Variants in FAM171A1 observed in about 807,000 individuals in gnomAD.
The protein encoded by FAM171A1 is protein FAM171A1.
Under a neutral mutation model 74.9 loss-of-function variants are expected in FAM171A1, and 23 were observed. That is an observed-to-expected ratio of 0.31 (90% CI 0.22 to 0.44). The LOEUF (loss-of-function observed/expected upper bound fraction) is 0.44. Ranked by LOEUF, FAM171A1 falls within the 20% of genes least tolerant of loss-of-function variation. FAM171A1 has a pLI of 1.00. For missense variants in FAM171A1, 1,162 were observed against 1,159.2 expected, an observed-to-expected ratio of 1.00 and a Z score of -0.03; for synonymous variants, 527 against 505.7, an observed-to-expected ratio of 1.04 and a Z score of -0.57.
intron 1 of FAM171A1, among the ~76,000 whole-genome samples, chr10:15,288,876 G>A (rs1460404597): frequency 7.4e-6 from 1 of 135,068 alleles, no homozygotes; most frequent in Non-Finnish European, 1.5e-5. Flanking sequence ...AGGCTGGAGT[G>A]CAATGGCACA....
At chr10:15,359,565 C>T (rs186570583) in intron 1 of FAM171A1, among the ~76,000 whole-genome samples, 237 of 152,252 alleles carry the variant, frequency 1.6e-3, no homozygotes, top group African/African-American at 4.9e-3. Context: ...GGAATGAGTC[C>T]TCCAAAGACA....
chr10:15,340,644 C>T (rs1835754692), intron 1 of FAM171A1, among the ~76,000 whole-genome samples: 1 of 152,152 alleles, frequency 6.6e-6, no homozygotes, highest in Admixed American at 6.5e-5. Context: ...CAGCCCACTC[C>T]ACAACCTCCC....
intron 1 of FAM171A1, among the ~76,000 whole-genome samples, chr10:15,288,373 G>A (rs1214663051): frequency 1.3e-5 from 2 of 151,862 alleles, no homozygotes; most frequent in East Asian, 3.9e-4. Context: ...AAGTTTTTTA[G>A]TGGTGATTTG....
chr10:15,275,237 A>T (rs1834878405), intron 3 of FAM171A1, among the ~76,000 whole-genome samples: 1 of 152,150 alleles, frequency 6.6e-6, no homozygotes, highest in South Asian at 2.1e-4. Context: ...TGCACCCTAG[A>T]ACTTAAAGTA....
intron 5 of FAM171A1, among the ~76,000 whole-genome samples, chr10:15,243,480 T>C (rs1009793609): frequency 1.3e-4 from 20 of 152,084 alleles, no homozygotes; most frequent in Admixed American, 5.9e-4. Flanking sequence ...GTATATAAAG[T>C]CCACCGAGGA....
chr10:15,253,513 CAG>C (rs1157990283), intron 4 of FAM171A1, among the ~76,000 whole-genome samples: 1 of 152,078 alleles, frequency 6.6e-6, no homozygotes, highest in Admixed American at 6.6e-5. Flanking sequence ...TTTTGGAAAA[CAG>C]AGAGAAGAAA....
chr10:15,358,090 C>T (rs926788436), intron 1 of FAM171A1, among the ~76,000 whole-genome samples: 5 of 152,132 alleles, frequency 3.3e-5, no homozygotes, highest in African/African-American at 1.2e-4. Flanking sequence ...ATATTGTCGC[C>T]TCAGCCTCCC....
intron 1 of FAM171A1, among the ~76,000 whole-genome samples, chr10:15,332,700 A>G (rs1835654929): frequency 6.6e-6 from 1 of 152,220 alleles, no homozygotes; most frequent in South Asian, 2.1e-4. Context: ...AGTGGGCCTC[A>G]GGCAATGCAA....
At chr10:15,302,918 G>A (rs1000775013) in intron 1 of FAM171A1, among the ~76,000 whole-genome samples, 2 of 152,216 alleles carry the variant, frequency 1.3e-5, no homozygotes, top group African/African-American at 4.8e-5. Flanking sequence ...GCCGGGCGCG[G>A]TGGCTCACAC....
chr10:15,334,221 A>C (rs949561532), intron 1 of FAM171A1, among the ~76,000 whole-genome samples: 1 of 152,220 alleles, frequency 6.6e-6, no homozygotes, highest in Non-Finnish European at 1.5e-5. Flanking sequence ...TTCCCCTTTC[A>C]AATGAGAAAT....
rs544720279 is a variant in FAM171A1 at position 15,217,719 on chromosome 10, C to A, written c.872-1609G>T. Among the ~76,000 whole-genome samples, 6 of 151,408 alleles carry A rather than the reference C, an allele frequency of 4.0e-5. No individual in the cohort carries two copies. The South Asian group carries it at 1.3e-3, about 32-fold the overall frequency. ...GTGGTGTGATCTCAGCTCATTGTAA[C>A]CTCTGCCTCCTGGGTTTAAGTGATT... On this transcript the variant is annotated intron_variant, in intron 6 of 7. Coordinates refer to ENST00000378116, the MANE Select transcript of FAM171A1 (RefSeq NM_001010924.2).
intron 1 of FAM171A1, among the ~76,000 whole-genome samples, chr10:15,333,522 C>T (rs1429809146): frequency 1.3e-5 from 2 of 148,914 alleles, no homozygotes; most frequent in African/African-American, 5.0e-5. Context: ...AATAGACAAC[C>T]AATCAACCAA....
rs537535737 is a variant in FAM171A1 at position 15,279,379 on chromosome 10, A to T, written c.326-3432T>A. Among the ~76,000 whole-genome samples the T allele has an allele frequency of 2.0e-5, 3 of 152,276 alleles. No individual in the cohort carries two copies. The South Asian group carries it at 6.2e-4, about 32-fold the overall frequency. ...CAGCAGGGACTTCCCGGGGCAGAGGACAGGGACTAGGGATGCAATCAAGCA... is the reference window on the plus strand; with the variant it reads ...CAGCAGGGACTTCCCGGGGCAGAGGTCAGGGACTAGGGATGCAATCAAGCA... On this transcript the variant is annotated intron_variant, in intron 2 of 7. Coordinates refer to ENST00000378116, the MANE Select transcript of FAM171A1 (RefSeq NM_001010924.2).
At chr10:15,271,204 C>G (rs566656883) in intron 3 of FAM171A1, among the ~76,000 whole-genome samples, 1 of 152,168 alleles carries the variant, frequency 6.6e-6, no homozygotes, top group Non-Finnish European at 1.5e-5. Flanking sequence ...CCTGATGGAG[C>G]TGAAAACCAT....
intron 1 of FAM171A1, among the ~76,000 whole-genome samples, chr10:15,367,470 C>T (rs1292011651): frequency 6.6e-6 from 1 of 152,200 alleles, no homozygotes; most frequent in Non-Finnish European, 1.5e-5. Context: ...GGAAGCCCAG[C>T]GGCCTCTGTG....
chr10:15,239,288 T>G (rs1357345809), intron 5 of FAM171A1, among the ~76,000 whole-genome samples: 1 of 152,038 alleles, frequency 6.6e-6, no homozygotes, highest in Admixed American at 6.6e-5. Flanking sequence ...AATATTCACT[T>G]TATTTATTTA....
At chr10:15,327,724 A>C (rs1835573417) in intron 1 of FAM171A1, among the ~76,000 whole-genome samples, 1 of 152,152 alleles carries the variant, frequency 6.6e-6, no homozygotes, top group Non-Finnish European at 1.5e-5. Flanking sequence ...AAACATTGAG[A>C]ACACATGGAC....
chr10:15,255,052 T>C (rs1834561724), intron 3 of FAM171A1, among the ~76,000 whole-genome samples, 173 bp from the exon 4 acceptor site: 1 of 152,166 alleles, frequency 6.6e-6, no homozygotes, highest in African/African-American at 2.4e-5. Flanking sequence ...CAACATGCTA[T>C]TATGGGGAGA....
At chr10:15,229,488 A>G (rs1383601999) in intron 5 of FAM171A1, among the ~76,000 whole-genome samples, 1 of 148,500 alleles carries the variant, frequency 6.7e-6, no homozygotes, top group Non-Finnish European at 1.5e-5. Flanking sequence ...TCACCCCATC[A>G]CCATAATCAC....
Sources: allele counts gnomAD v4.1 joint callset (sites outside exome capture counted in the v4.1 genomes callset), GRCh38; gene constraint gnomAD v4.1.1; transcripts MANE v1.5; gene names NCBI Gene and HGNC (gene_info 2026-07-23, HGNC 2026-07-21).